Variants in RIMS2 observed in about 807,000 individuals in gnomAD.
The protein encoded by RIMS2 is regulating synaptic membrane exocytosis protein 2.
In RIMS2, 59 loss-of-function variants were observed where a neutral mutation model predicts 174.4. That is an observed-to-expected ratio of 0.34 (90% CI 0.27 to 0.42). The LOEUF is 0.42. Ranked by LOEUF, RIMS2 falls within the 10% of genes least tolerant of loss-of-function variation. The pLI, the probability that RIMS2 is intolerant of heterozygous loss-of-function variation, is 1.00. For missense variants in RIMS2, 1,620 were observed against 1,666.3 expected, an observed-to-expected ratio of 0.97 and a Z score of 0.48; for synonymous variants, 606 against 572.5, an observed-to-expected ratio of 1.06 and a Z score of -0.84.
chr8:104,220,596 T>C (rs948992147), intron 19 of RIMS2, among the ~76,000 whole-genome samples: 5 of 148,504 alleles, frequency 3.4e-5, no homozygotes, highest in Non-Finnish European at 5.9e-5. Flanking sequence ...ATTTATTTTA[T>C]TTTATTTTAT....
At position 103,880,227 on chromosome 8, in the gene RIMS2, TAGG is replaced by T. The variant is rs570739351; in HGVS notation, c.699-5068_699-5066del. Reference sequence around the variant, plus strand: ...TATTTTAGAAATACTGCAATTCATATAGGAGAAGGTGATTTATAAATTTCTAAA... The same window carrying T: ...TATTTTAGAAATACTGCAATTCATATAGAAGGTGATTTATAAATTTCTAAA... On this transcript the variant is annotated intron_variant, in intron 3 of 23. Transcript: ENST00000504942. 1.8e-3 allele frequency among the ~76,000 whole-genome samples: 270 copies of T among 151,780 alleles called. 1 individual carries two copies. Among genetic ancestry groups the T allele is most frequent in the Non-Finnish European group, 1.1e-3 (72 of 67,740 alleles).
intron 19 of RIMS2, among the ~76,000 whole-genome samples, chr8:104,202,714 G>T (rs1011254978): frequency 6.6e-6 from 1 of 152,170 alleles, no homozygotes. Context: ...TTGGGCTAGG[G>T]CCCCATTTTA....
chr8:103,593,928 A>T (rs576032237), intron 1 of RIMS2, among the ~76,000 whole-genome samples: 1 of 151,624 alleles, frequency 6.6e-6, no homozygotes, highest in East Asian at 1.9e-4. Flanking sequence ...TACTAATATG[A>T]AGGGGTTCTG....
chr8:103,597,823 T>C (rs1439421584), intron 1 of RIMS2, among the ~76,000 whole-genome samples: 1 of 152,142 alleles, frequency 6.6e-6, no homozygotes, highest in Non-Finnish European at 1.5e-5. Flanking sequence ...AATAGTGTTT[T>C]TTAAACCGTG....
chr8:103,966,872 T>C (rs1407999776), intron 15 of RIMS2, among the ~76,000 whole-genome samples: 1 of 151,974 alleles, frequency 6.6e-6, no homozygotes, highest in Non-Finnish European at 1.5e-5. Context: ...TCTTGACCCA[T>C]GTGTTATTTA....
intron 19 of RIMS2, among the ~76,000 whole-genome samples, chr8:104,195,695 A>G (rs2099020829): frequency 6.6e-6 from 1 of 151,884 alleles, no homozygotes; most frequent in African/African-American, 2.4e-5. Context: ...TTTGTATTTT[A>G]GTAGAGATGG....
intron 1 of RIMS2, among the ~76,000 whole-genome samples, chr8:103,646,266 A>G (rs923707285): frequency 6.6e-6 from 1 of 152,140 alleles, no homozygotes; most frequent in African/African-American, 2.4e-5. Context: ...AGGCCTGAGA[A>G]TTAATCCCAA....
intron 1 of RIMS2, among the ~76,000 whole-genome samples, chr8:103,592,622 T>A (rs1300273092): frequency 6.6e-6 from 1 of 151,438 alleles, no homozygotes; most frequent in Admixed American, 6.6e-5. Context: ...TTTCAGGATA[T>A]ATGTGAAGTC....
intron 15 of RIMS2, among the ~76,000 whole-genome samples, chr8:103,963,526 T>A (rs181779308): frequency 1.3e-5 from 2 of 152,276 alleles, no homozygotes; most frequent in East Asian, 3.9e-4. Flanking sequence ...AGAAGTAATA[T>A]TTTCTATGTG....
rs183257371 is a variant in RIMS2, at chr8:104,151,089, G to A, written c.3335-93827G>A. Reference sequence around the variant, plus strand: ...GATAAGATCCTGAGCTAAGCCAGCCGTAATAAAGATAGAGAGGGAATGATA... The same window carrying A: ...GATAAGATCCTGAGCTAAGCCAGCCATAATAAAGATAGAGAGGGAATGATA... On this transcript the variant is annotated intron_variant, in intron 19 of 23. Transcript: ENST00000504942. Among the ~76,000 whole-genome samples, 519 of 152,246 alleles carry A rather than the reference G, an allele frequency of 3.4e-3. 4 individuals carry two copies. The highest frequency in any genetic ancestry group is 0.011 in the African/African-American group (466 of 41,546).
intron 2 of RIMS2, among the ~76,000 whole-genome samples, chr8:103,742,518 A>T (rs2097771478): frequency 6.6e-6 from 1 of 152,162 alleles, no homozygotes. Flanking sequence ...TGACAGACTT[A>T]CCAGGCAACA....
intron 2 of RIMS2, among the ~76,000 whole-genome samples, chr8:103,759,494 G>A (rs2140081629): frequency 6.6e-6 from 1 of 151,000 alleles, no homozygotes; most frequent in East Asian, 2.0e-4. Flanking sequence ...GAACCTGGGA[G>A]GCGGAGCTTG....
At chr8:103,817,034 C>T (rs1243931602) in intron 3 of RIMS2, among the ~76,000 whole-genome samples, 1 of 152,016 alleles carries the variant, frequency 6.6e-6, no homozygotes, top group Non-Finnish European at 1.5e-5. Context: ...TTTTTCCCCT[C>T]ACAGATAGTA....
intron 2 of RIMS2, among the ~76,000 whole-genome samples, chr8:103,760,018 A>G (rs1198516701): frequency 6.6e-6 from 1 of 152,256 alleles, no homozygotes; most frequent in African/African-American, 2.4e-5. Flanking sequence ...CAATTTACTG[A>G]GTAGCTTTAA....
At chr8:103,675,511 G>C (rs910093504) in intron 1 of RIMS2, among the ~76,000 whole-genome samples, 3 of 152,156 alleles carry the variant, frequency 2.0e-5, no homozygotes, top group African/African-American at 7.2e-5. Flanking sequence ...TTGGATGCCT[G>C]TCCAGATCCC....
intron 19 of RIMS2, among the ~76,000 whole-genome samples, chr8:104,106,037 C>CAAAAAAAAAAAAAAAAAAAAAAA (rs575916023): frequency 8.8e-5 from 5 of 56,916 alleles, no homozygotes; most frequent in African/African-American, 2.4e-4. Flanking sequence ...GACTCTGCCA[C>CAAAAAAAAAAAAAAAAAAAAAAA]AAAAAAAAAA....
intron 1 of RIMS2, among the ~76,000 whole-genome samples, chr8:103,606,454 G>T (rs1027197128): frequency 6.6e-6 from 1 of 151,998 alleles, no homozygotes; most frequent in Non-Finnish European, 1.5e-5. Context: ...GTGTGGTGTG[G>T]TGCTGAAAAA....
At chr8:103,913,851 C>T (rs2076185093) in intron 6 of RIMS2, among the ~76,000 whole-genome samples, 1 of 152,074 alleles carries the variant, frequency 6.6e-6, no homozygotes, top group African/African-American at 2.4e-5. Context: ...GGGATCTGTC[C>T]CATGATCCAA....
chr8:103,768,935 A>G, intron 3 of RIMS2: 1 of 428,262 alleles, frequency 2.3e-6, no homozygotes, highest in South Asian at 2.2e-5. Context: ...AGAATGAAGG[A>G]GGCTAAACAG....
Sources: gnomAD v4.1 joint callset for allele counts (sites outside exome capture counted in the v4.1 genomes callset) on GRCh38, gnomAD v4.1.1 for gene constraint, MANE v1.5 for transcripts, NCBI Gene and HGNC (gene_info 2026-07-23, HGNC 2026-07-21) for gene names.